Variants in RAB3B observed in about 807,000 individuals in gnomAD.
The protein encoded by RAB3B is ras-related protein Rab-3B.
RAB3B carries 11 observed loss-of-function variants against 20.5 expected under a neutral mutation model. The observed-to-expected ratio is 0.54, with a 90% CI of 0.34 to 0.89. The LOEUF is 0.89. RAB3B is among the 40% of genes least tolerant of loss of function. The pLI is 0.02. For missense variants in RAB3B, 225 were observed against 280.9 expected (o/e 0.80, Z 1.42); for synonymous variants, 99 against 106.3 (o/e 0.93, Z 0.42).
At chr1:51,965,661 G>T (rs1204586981) in intron 2 of RAB3B, among the ~76,000 whole-genome samples, 1 of 150,310 alleles carries the variant, frequency 6.7e-6, no homozygotes, top group Non-Finnish European at 1.5e-5. Flanking sequence ...AAAAAAAAAA[G>T]GTGAATTTTA....
rs575368422 is a variant in RAB3B, at chr1:51,962,327, G to T, written c.228+14563C>A. 2.0e-5 allele frequency among the ~76,000 whole-genome samples: 3 copies of T among 152,294 alleles called. No individual in the cohort carries two copies. In the South Asian group the frequency reaches 6.2e-4, roughly 32 times the overall value. On this transcript the variant is annotated intron_variant, in intron 2 of 4. Transcript: ENST00000371655. ...GAGATAGTATTAGTCCCATTTACAG[G>T]TGAAGGTCTAAATGAAAGCTGCTGT...
At chr1:51,972,690 C>A (rs112392158) in intron 2 of RAB3B, among the ~76,000 whole-genome samples, 278 of 152,166 alleles carry the variant, frequency 1.8e-3, no homozygotes, top group African/African-American at 6.5e-3. Flanking sequence ...CAAGGAAAGG[C>A]CACAAGAACA....
In RAB3B at chr1:51,977,003, G is replaced by C; in HGVS notation, c.115C>G (p.Leu39Val). ...GNSSVGKTSF[L>V]FRYADDTFTP... ...AACGTGTCATCAGCATAGCGGAAGA[G>C]GAAGGAGGTCTTGCCAACACTGCTG... Residue 39 changes from leucine to valine, a missense_variant, in exon 2 of 5, where the codon CTC becomes GTC. Coordinates refer to ENST00000371655, the MANE Select transcript of RAB3B (RefSeq NM_002867.4). 3.7e-6 allele frequency: 6 copies of C among 1,614,216 alleles called. No homozygotes were observed. The highest frequency in any genetic ancestry group is 1.7e-5 in the Admixed American group (1 of 60,020).
intron 2 of RAB3B, among the ~76,000 whole-genome samples, chr1:51,946,891 G>A (rs1425547043): frequency 1.3e-5 from 2 of 152,162 alleles, no homozygotes; most frequent in African/African-American, 4.8e-5. Context: ...CTAAGATCTT[G>A]CAGTCAGTTC....
rs1270428097 is a variant in RAB3B, at chr1:51,908,127, C to T, written c.*11800G>A. ...CTTTTGCTACTGTGTATATATATTC[C>T]TTTATATTTATACAAACTCACAACA... On this transcript the variant is annotated 3_prime_UTR_variant, in exon 5 of 5. Transcript: ENST00000371655. 1 of 151,950 alleles carries T rather than the reference C, an allele frequency of 6.6e-6. No individual in the cohort carries two copies. Among genetic ancestry groups the T allele is most frequent in the African/African-American group, 2.4e-5 (1 of 41,356 alleles). 9.4% of individuals were successfully genotyped at this position (151,950 alleles called of 1,614,324 possible).
intron 2 of RAB3B, among the ~76,000 whole-genome samples, chr1:51,955,484 C>T (rs1188485059): frequency 2.0e-5 from 3 of 152,050 alleles, no homozygotes; most frequent in East Asian, 1.9e-4. Flanking sequence ...CTCTGCCTCC[C>T]GGGTTCAAGC....
chr1:51,973,122 C>T (rs1042362519), intron 2 of RAB3B, among the ~76,000 whole-genome samples: 7 of 152,206 alleles, frequency 4.6e-5, no homozygotes, highest in Admixed American at 2.0e-4. Flanking sequence ...TATGGCTCCC[C>T]AGTGCCTATG....
chr1:51,941,265 G>A (rs1246493091), intron 2 of RAB3B, among the ~76,000 whole-genome samples: 1 of 152,168 alleles, frequency 6.6e-6, no homozygotes, highest in African/African-American at 2.4e-5. Context: ...AGGTGATGAA[G>A]CTAGAAAGAG....
intron 2 of RAB3B, among the ~76,000 whole-genome samples, chr1:51,957,420 AACAG>A (rs1403759623): frequency 2.6e-5 from 4 of 152,190 alleles, no homozygotes. Flanking sequence ...GCACTTAATG[AACAG>A]ACAGTGTGAA....
At chr1:51,981,077 C>G (rs1285021928) in intron 1 of RAB3B, among the ~76,000 whole-genome samples, 1 of 152,102 alleles carries the variant, frequency 6.6e-6, no homozygotes, top group Non-Finnish European at 1.5e-5. Flanking sequence ...GTCGCCCAGG[C>G]TGGAGTGCAA....
intron 2 of RAB3B, among the ~76,000 whole-genome samples, chr1:51,961,073 T>G (rs1386256700): frequency 6.6e-6 from 1 of 152,198 alleles, no homozygotes; most frequent in African/African-American, 2.4e-5. Flanking sequence ...GCTGGTACCA[T>G]GTGTTCATTC....
chr1:51,988,518 C>T (rs368875317), intron 1 of RAB3B, among the ~76,000 whole-genome samples: 13 of 152,212 alleles, frequency 8.5e-5, no homozygotes, highest in African/African-American at 3.1e-4. Flanking sequence ...ACTGACAAAA[C>T]AGGAACACCT....
intron 2 of RAB3B, among the ~76,000 whole-genome samples, chr1:51,948,959 C>T (rs1454348679): frequency 6.6e-6 from 1 of 152,204 alleles, no homozygotes; most frequent in Non-Finnish European, 1.5e-5. Context: ...ATGGGGGTGT[C>T]TGTAACAATT....
intron 4 of RAB3B, among the ~76,000 whole-genome samples, chr1:51,921,895 C>T (rs894829651): frequency 3.3e-5 from 5 of 152,350 alleles, no homozygotes; most frequent in African/African-American, 7.2e-5. Context: ...TATTATTCCA[C>T]CATCCATAGA....
chr1:51,943,923 G>A (rs1684528927), intron 2 of RAB3B, among the ~76,000 whole-genome samples: 1 of 152,204 alleles, frequency 6.6e-6, no homozygotes, highest in Non-Finnish European at 1.5e-5. Context: ...CTGCAGCAAG[G>A]TTATCCAGAA....
chr1:51,959,946 C>T (rs966892287), intron 2 of RAB3B, among the ~76,000 whole-genome samples: 2 of 151,960 alleles, frequency 1.3e-5, no homozygotes, highest in South Asian at 2.1e-4. Flanking sequence ...TTAGAGTACA[C>T]GTGGGTGGTG....
intron 2 of RAB3B, among the ~76,000 whole-genome samples, chr1:51,947,993 CT>C (rs1557969083): frequency 6.6e-6 from 1 of 152,172 alleles, no homozygotes; most frequent in Non-Finnish European, 1.5e-5. Context: ...TTTCTACCCA[CT>C]GATTTAATAC....
At chr1:51,942,732 A>G (rs1684510782) in intron 2 of RAB3B, among the ~76,000 whole-genome samples, 3 of 152,142 alleles carry the variant, frequency 2.0e-5, no homozygotes, top group Admixed American at 2.0e-4. Flanking sequence ...CTTTGCAGAT[A>G]TTGCATTTTT....
At chr1:51,948,680 A>G (rs576980011) in intron 2 of RAB3B, among the ~76,000 whole-genome samples, 1 of 152,308 alleles carries the variant, frequency 6.6e-6, no homozygotes, top group South Asian at 2.1e-4. Context: ...TCAGCTCAGC[A>G]AAGAAGCTGA....
Sources: allele counts gnomAD v4.1 joint callset (sites outside exome capture counted in the v4.1 genomes callset), GRCh38; gene constraint gnomAD v4.1.1; transcripts MANE v1.5; gene names NCBI Gene and HGNC (gene_info 2026-07-23, HGNC 2026-07-21).